Variants in GNG2 observed in about 807,000 individuals in gnomAD.
GNG2 encodes G protein subunit gamma 2, also known as guanine nucleotide-binding protein G(I)/G(S)/G(O) subunit gamma-2.
GNG2 carries 5 observed loss-of-function variants against 5.5 expected under a neutral mutation model. That is an observed-to-expected ratio of 0.91 (90% CI 0.48 to 1.92). The LOEUF (loss-of-function observed/expected upper bound fraction) is 1.92. Ranked by LOEUF, GNG2 falls within the 30% of genes most tolerant of loss-of-function variation. GNG2 has a pLI of 0.01. For missense variants in GNG2, 55 were observed against 88.4 expected (o/e 0.62, Z 1.52); for synonymous variants, 28 against 32.0 (o/e 0.88, Z 0.42).
upstream of GNG2, among the ~76,000 whole-genome samples, chr14:51,857,984 A>G (rs1454810828): frequency 6.6e-6 from 1 of 152,234 alleles, no homozygotes; most frequent in Non-Finnish European, 1.5e-5. Flanking sequence ...CTCCGCTACC[A>G]GTAGATGTAA....
At chr14:51,926,614 G>C (rs1335109635) in intron 2 of GNG2, among the ~76,000 whole-genome samples, 2 of 152,194 alleles carry the variant, frequency 1.3e-5, no homozygotes, top group South Asian at 4.1e-4. Flanking sequence ...ACTGGGCAGA[G>C]TGCACGCTGG....
intron 2 of GNG2, chr14:51,916,604 G>A: frequency 4.9e-6 from 2 of 408,452 alleles, no homozygotes; most frequent in Non-Finnish European, 9.6e-6. Flanking sequence ...GCCATTGAGG[G>A]GGAGGAAGCC....
chr14:51,889,109 CTTT>C (rs1173479215), intron 2 of GNG2, among the ~76,000 whole-genome samples: 3 of 118,932 alleles, frequency 2.5e-5, no homozygotes, highest in Admixed American at 8.9e-5. Context: ...TGGGTTTGCG[CTTT>C]TTTTTTTTTT....
At chr14:51,867,941 G>A (rs767167983) in intron 1 of GNG2, among the ~76,000 whole-genome samples, 11 of 151,926 alleles carry the variant, frequency 7.2e-5, no homozygotes, top group South Asian at 2.1e-4. Context: ...TGAGGACAGC[G>A]GTCACATCTG....
chr14:51,968,000 G>C lies in GNG2; in HGVS notation c.*1313G>C, dbSNP rs1890021296. The C allele has an allele frequency of 6.6e-6, 1 of 152,162 alleles. No homozygotes were observed. Among genetic ancestry groups the C allele is most frequent in the Non-Finnish European group, 1.5e-5 (1 of 68,032 alleles). The allele number at this position is 152,162 out of a possible 1,614,324, so 9.4% of individuals were successfully genotyped here. ...CGGTCCCCACGGCCGGCTCTACGAG[G>C]AAGAGTTCTGGCTCTTTTGTCCACT... On this transcript the variant is annotated 3_prime_UTR_variant, in exon 4 of 4. Transcript: ENST00000556766.
At chr14:51,887,520 C>A (rs748803396) in intron 2 of GNG2, among the ~76,000 whole-genome samples, 3 of 152,132 alleles carry the variant, frequency 2.0e-5, no homozygotes, top group Non-Finnish European at 4.4e-5. Flanking sequence ...TGTGGCAGCA[C>A]AAAATGATGG....
intron 2 of GNG2, among the ~76,000 whole-genome samples, chr14:51,896,969 C>T (rs950035512): frequency 2.0e-5 from 3 of 151,972 alleles, no homozygotes; most frequent in African/African-American, 4.8e-5. Flanking sequence ...ATGATGACAG[C>T]CATCACAAAT....
exon 2 of GNG2, chr14:51,827,805 A>C (rs17124563): frequency 0.018 from 12,139 of 688,618 alleles, 636 homozygotes; most frequent in Admixed American, 0.11. Flanking sequence ...CCTTCAGGCA[A>C]AGGTAGGCTT....
At chr14:51,878,743 A>C (rs1350400753) in intron 2 of GNG2, among the ~76,000 whole-genome samples, 1 of 152,222 alleles carries the variant, frequency 6.6e-6, no homozygotes, top group African/African-American at 2.4e-5. Context: ...TCAGAGATGT[A>C]CTGACCTATA....
rs60014306 is a variant in GNG2, at chr14:51,932,271, A to AAAAAAAAAAAAAAG, written c.-29-18378_-29-18377insAAAAAAAAAAAAGA. On this transcript the variant is annotated intron_variant, in intron 2 of 3. Coordinates refer to ENST00000556766, the MANE Select transcript of GNG2 (RefSeq NM_053064.5). Reference sequence around the variant, plus strand: ...CAAAAAAAAAAAAAAAAAAAAAAAAAAGAAAAGAAAATATGGTATATATGC... The same window carrying AAAAAAAAAAAAAAG: ...CAAAAAAAAAAAAAAAAAAAAAAAAAAAAAAAAAAAAAAGAGAAAAGAAAATATGGTATATATGC... Among the ~76,000 whole-genome samples the AAAAAAAAAAAAAAG allele has an allele frequency of 9.3e-5, 9 of 96,340 alleles. 1 individual carries two copies. The highest frequency in any genetic ancestry group is 1.6e-4 in the Non-Finnish European group (8 of 48,790). 63.2% of individuals were successfully genotyped at this position (96,340 alleles called of 152,430 possible). A position where few individuals can be genotyped will look rare whatever the true frequency, so the allele number is the denominator to read the frequency against.
At chr14:51,871,807 C>T (rs978140462) in intron 1 of GNG2, among the ~76,000 whole-genome samples, 6 of 152,140 alleles carry the variant, frequency 3.9e-5, no homozygotes, top group African/African-American at 1.4e-4. Flanking sequence ...TGTCGGATGT[C>T]GTTTTGACTT....
At chr14:51,841,674 G>A in intron 2 of GNG2, 1 of 611,616 alleles carries the variant, frequency 1.6e-6, no homozygotes, top group Non-Finnish European at 2.9e-6. Context: ...GGAAGGGTAG[G>A]ATGGAGGCAG....
intron 2 of GNG2, among the ~76,000 whole-genome samples, chr14:51,949,242 A>T (rs1362367301): frequency 6.6e-6 from 1 of 151,950 alleles, no homozygotes. Flanking sequence ...CCATGAAGGG[A>T]TTTGTATGTT....
intron 2 of GNG2, among the ~76,000 whole-genome samples, chr14:51,924,747 A>C (rs1290281358): frequency 6.6e-6 from 1 of 152,258 alleles, no homozygotes; most frequent in Non-Finnish European, 1.5e-5. Flanking sequence ...TTCCAAAGCC[A>C]GGACCTACTG....
intron 2 of GNG2, among the ~76,000 whole-genome samples, chr14:51,845,682 T>A (rs1372314355): frequency 6.6e-6 from 1 of 152,128 alleles, no homozygotes; most frequent in Non-Finnish European, 1.5e-5. Context: ...ATCCCAGATG[T>A]CAGAATATCA....
chr14:51,827,695 G>A (rs751498540), exon 2 of GNG2: 13 of 702,084 alleles, frequency 1.9e-5, no homozygotes, highest in South Asian at 3.0e-5. Flanking sequence ...AAGCAGCACC[G>A]TGGAGCTGGG....
intron 2 of GNG2, among the ~76,000 whole-genome samples, chr14:51,928,362 T>G (rs1887460678): frequency 1.3e-5 from 2 of 152,118 alleles, no homozygotes; most frequent in South Asian, 4.1e-4. Context: ...AACTTAAAAT[T>G]AAGGTGATAT....
At chr14:51,941,015 A>T (rs58947656) in intron 2 of GNG2, among the ~76,000 whole-genome samples, 1 of 151,900 alleles carries the variant, frequency 6.6e-6, no homozygotes, top group Non-Finnish European at 1.5e-5. Context: ...TATATATACC[A>T]ATCTAATTAA....
At chr14:51,932,269 A>ATG (rs1887708978) in intron 2 of GNG2, among the ~76,000 whole-genome samples, 1 of 146,020 alleles carries the variant, frequency 6.8e-6, no homozygotes, top group Non-Finnish European at 1.5e-5. Context: ...AAAAAAAAAA[A>ATG]AAAGAAAAGA....
Sources: allele counts gnomAD v4.1 joint callset (sites outside exome capture counted in the v4.1 genomes callset), GRCh38; gene constraint gnomAD v4.1.1; transcripts MANE v1.5; gene names NCBI Gene and HGNC (gene_info 2026-07-23, HGNC 2026-07-21).